Variants in EPB41L2 observed in about 807,000 individuals in gnomAD.
EPB41L2 encodes the protein erythrocyte membrane protein band 4.1 like 2, also known as band 4.1-like protein 2.
In EPB41L2, 43 loss-of-function variants were observed where a neutral mutation model predicts 113.0. The observed-to-expected ratio is 0.38, with a 90% CI of 0.30 to 0.49. The LOEUF (loss-of-function observed/expected upper bound fraction) is 0.49. Ranked by LOEUF, EPB41L2 falls within the 20% of genes least tolerant of loss-of-function variation. The pLI is 0.95. For synonymous variants in EPB41L2, 442 were observed against 436.7 expected (o/e 1.01, Z -0.15); for missense variants, 1,147 against 1,223.4 (o/e 0.94, Z 0.93).
intron 8 of EPB41L2, among the ~76,000 whole-genome samples, chr6:130,898,872 T>C (rs931468825): frequency 2.6e-5 from 4 of 152,150 alleles, no homozygotes; most frequent in African/African-American, 9.7e-5. Flanking sequence ...TTTTGATCTT[T>C]TGGGATTACG....
chr6:130,912,440 T>G (rs925201236), intron 4 of EPB41L2, among the ~76,000 whole-genome samples: 13 of 152,224 alleles, frequency 8.5e-5, no homozygotes, highest in Admixed American at 6.5e-5. Context: ...GTTTCACTAC[T>G]GTTCATGGCC....
chr6:130,984,093 A>G (rs1779978620), intron 1 of EPB41L2, among the ~76,000 whole-genome samples: 1 of 152,160 alleles, frequency 6.6e-6, no homozygotes, highest in Non-Finnish European at 1.5e-5. Flanking sequence ...ACATACTAGC[A>G]TAGGCCCATA....
intron 12 of EPB41L2, 166 bp from the exon 13 acceptor site, chr6:130,880,372 C>T (rs1788912992): frequency 1.6e-6 from 1 of 619,756 alleles, no homozygotes; most frequent in East Asian, 2.8e-5. Context: ...CACAAATAAA[C>T]CCTGAGAGTG....
At chr6:131,009,579 G>A (rs1244106448) in intron 1 of EPB41L2, among the ~76,000 whole-genome samples, 1 of 151,784 alleles carries the variant, frequency 6.6e-6, no homozygotes, top group Non-Finnish European at 1.5e-5. Context: ...ACTGGTAACT[G>A]GATGTTCCCA....
chr6:130,960,213 G>T (rs1403828195), intron 1 of EPB41L2, among the ~76,000 whole-genome samples: 1 of 152,122 alleles, frequency 6.6e-6, no homozygotes, highest in Non-Finnish European at 1.5e-5. Context: ...CATTATGCAC[G>T]AATGACCTAC....
chr6:131,040,435 T>C (rs1794236744), intron 1 of EPB41L2, among the ~76,000 whole-genome samples: 2 of 152,126 alleles, frequency 1.3e-5, no homozygotes, highest in Admixed American at 6.5e-5. Context: ...CGAGACTCTG[T>C]CTCCACATAA....
rs887703566 is a variant in EPB41L2, at chr6:130,870,454, T to C, written c.2044-328A>G. 3.4e-6 allele frequency: 5 copies of C among 1,456,018 alleles called. No homozygotes were observed. The African/African-American group carries it at 5.6e-5, about 16-fold the overall frequency. The allele number at this position is 1,456,018 out of a possible 1,614,324, so 90.2% of individuals were successfully genotyped here. A position where few individuals can be genotyped will look rare whatever the true frequency, so the allele number is the denominator to read the frequency against. ...CTCAACAACCACTGAAACAAACATC[T>C]GACACTGCAAAGACAAAACAGCAAG... On this transcript the variant is annotated intron_variant, in intron 14 of 19. Coordinates refer to ENST00000337057, the MANE Select transcript of EPB41L2 (RefSeq NM_001431.4).
At chr6:130,964,849 T>C (rs1774615829) in intron 1 of EPB41L2, among the ~76,000 whole-genome samples, 1 of 152,098 alleles carries the variant, frequency 6.6e-6, no homozygotes, top group Admixed American at 6.5e-5. Flanking sequence ...GATAGATGGG[T>C]TGGTCAAAGC....
chr6:131,049,652 T>C (rs923349141), intron 1 of EPB41L2, among the ~76,000 whole-genome samples: 4 of 152,246 alleles, frequency 2.6e-5, no homozygotes, highest in South Asian at 2.1e-4. Flanking sequence ...GTATAACCAC[T>C]GCCACATTTG....
At chr6:131,058,527 C>T (rs6903705) in intron 1 of EPB41L2, among the ~76,000 whole-genome samples, 40,990 of 151,974 alleles carry the variant, frequency 0.27, 5,806 homozygotes, top group East Asian at 0.43. Flanking sequence ...TCTATGTCAA[C>T]TCTATCAAAG....
At chr6:130,912,418 A>G (rs997704306) in intron 4 of EPB41L2, among the ~76,000 whole-genome samples, 1 of 152,220 alleles carries the variant, frequency 6.6e-6, no homozygotes, top group African/African-American at 2.4e-5. Flanking sequence ...GCAGAGCCGC[A>G]TGGCCCCTCG....
chr6:130,921,168 C>T (rs765894838), intron 4 of EPB41L2, among the ~76,000 whole-genome samples: 10 of 152,114 alleles, frequency 6.6e-5, no homozygotes, highest in African/African-American at 1.2e-4. Context: ...ACTAGACTAC[C>T]GCAACTGTCT....
chr6:131,022,700 G>A (rs73774378), intron 1 of EPB41L2, among the ~76,000 whole-genome samples: 4,000 of 152,272 alleles, frequency 0.026, 192 homozygotes, highest in African/African-American at 0.092. Context: ...AACTGTGCTC[G>A]CTGCTATCAT....
At chr6:131,060,853 T>C (rs921464908) in intron 1 of EPB41L2, among the ~76,000 whole-genome samples, 1 of 152,214 alleles carries the variant, frequency 6.6e-6, no homozygotes, top group Admixed American at 6.5e-5. Flanking sequence ...TCTTTCTACT[T>C]GGACTTAAAT....
intron 1 of EPB41L2, among the ~76,000 whole-genome samples, chr6:130,987,095 T>C (rs528848791): frequency 6.6e-6 from 1 of 152,204 alleles, no homozygotes; most frequent in Non-Finnish European, 1.5e-5. Context: ...TTAAATTCTA[T>C]GGCTATATCA....
intron 12 of EPB41L2, chr6:130,881,471 C>T (rs932163274): frequency 1.3e-5 from 2 of 152,110 alleles, no homozygotes; most frequent in African/African-American, 4.8e-5. Flanking sequence ...AAACTTTTAA[C>T]AATTGTCCTA....
intron 19 of EPB41L2, among the ~76,000 whole-genome samples, chr6:130,856,864 C>A (rs527843563): frequency 6.6e-6 from 1 of 152,270 alleles, no homozygotes; most frequent in South Asian, 2.1e-4. Context: ...TAATCCCCTA[C>A]TCTTGACCAT....
intron 3 of EPB41L2, among the ~76,000 whole-genome samples, chr6:130,952,613 G>C (rs1382669638): frequency 6.6e-6 from 1 of 152,096 alleles, no homozygotes; most frequent in African/African-American, 2.4e-5. Flanking sequence ...AGGTGATCGA[G>C]ACCATCCTGG....
chr6:131,057,586 C>T (rs1030704361), intron 1 of EPB41L2, among the ~76,000 whole-genome samples: 1 of 152,140 alleles, frequency 6.6e-6, no homozygotes, highest in African/African-American at 2.4e-5. Flanking sequence ...AGCCCTGAAG[C>T]TCATCAGCAG....
Sources: allele counts gnomAD v4.1 joint callset (sites outside exome capture counted in the v4.1 genomes callset), GRCh38; gene constraint gnomAD v4.1.1; transcripts MANE v1.5; gene names NCBI Gene and HGNC (gene_info 2026-07-23, HGNC 2026-07-21).